DOCK2: variants seen among roughly 807,000 people sequenced by gnomAD.
The protein encoded by DOCK2 is dedicator of cytokinesis protein 2.
DOCK2 carries 87 observed loss-of-function variants against 248.9 expected under a neutral mutation model. The observed-to-expected ratio is 0.35, with a 90% CI of 0.29 to 0.42. The LOEUF (loss-of-function observed/expected upper bound fraction) is 0.42. Ranked by LOEUF, DOCK2 falls within the 10% of genes least tolerant of loss-of-function variation. The pLI is 1.00. For synonymous variants in DOCK2, 805 were observed against 821.6 expected (o/e 0.98, Z 0.35); for missense variants, 1,747 against 2,300.2 (o/e 0.76, Z 4.92).
At chr5:169,935,794 T>C (rs985289734) in intron 27 of DOCK2, among the ~76,000 whole-genome samples, 1 of 152,146 alleles carries the variant, frequency 6.6e-6, no homozygotes, top group Non-Finnish European at 1.5e-5. Flanking sequence ...TGTAAAAATA[T>C]AAAAAATCAG....
At chr5:169,745,825 A>G (rs1370182121) in intron 22 of DOCK2, among the ~76,000 whole-genome samples, 2 of 152,216 alleles carry the variant, frequency 1.3e-5, no homozygotes, top group African/African-American at 2.4e-5. Context: ...GATTGACTCT[A>G]GAATATATAT....
intron 44 of DOCK2, among the ~76,000 whole-genome samples, chr5:170,058,884 T>A (rs1225642732): frequency 2.6e-5 from 4 of 152,206 alleles, no homozygotes; most frequent in Non-Finnish European, 5.9e-5. Flanking sequence ...GCCTCCTTTT[T>A]ATAGGCATGA....
chr5:170,023,451 G>T (rs1755799765), intron 33 of DOCK2, among the ~76,000 whole-genome samples: 1 of 152,102 alleles, frequency 6.6e-6, no homozygotes, highest in Non-Finnish European at 1.5e-5. Flanking sequence ...TGCGTTCTCG[G>T]TACTGTTGTT....
At chr5:169,815,666 C>T (rs2113207883) in intron 26 of DOCK2, among the ~76,000 whole-genome samples, 1 of 152,306 alleles carries the variant, frequency 6.6e-6, no homozygotes, top group East Asian at 1.9e-4. Flanking sequence ...AAAAAAATTG[C>T]ATTAAGTGTT....
At chr5:169,797,878 A>G (rs1323036439) in intron 25 of DOCK2, among the ~76,000 whole-genome samples, 1 of 152,218 alleles carries the variant, frequency 6.6e-6, no homozygotes, top group Non-Finnish European at 1.5e-5. Flanking sequence ...ATAATTTCAC[A>G]GCTCCAATTA....
At chr5:169,852,085 G>A (rs186122724) in intron 27 of DOCK2, among the ~76,000 whole-genome samples, 3 of 152,294 alleles carry the variant, frequency 2.0e-5, no homozygotes, top group Admixed American at 6.5e-5. Context: ...GAGAGAGAGA[G>A]GGAAAGAGAG....
At chr5:169,849,259 C>T (rs1201215193) in intron 27 of DOCK2, among the ~76,000 whole-genome samples, 1 of 152,224 alleles carries the variant, frequency 6.6e-6, no homozygotes, top group African/African-American at 2.4e-5. Context: ...ACTTCACCTG[C>T]ATCAGGTGCT....
intron 27 of DOCK2, among the ~76,000 whole-genome samples, chr5:169,928,471 G>A (rs755123158): frequency 2.6e-5 from 4 of 152,174 alleles, no homozygotes; most frequent in Non-Finnish European, 4.4e-5. Flanking sequence ...CAGCCTCCTC[G>A]CTTCCCCATG....
intron 27 of DOCK2, among the ~76,000 whole-genome samples, chr5:169,862,022 G>T (rs1362707610): frequency 6.6e-6 from 1 of 151,562 alleles, no homozygotes; most frequent in East Asian, 1.9e-4. Context: ...TTCATGTGAG[G>T]GCCTCAACTG....
chr5:169,699,295 T>G, intron 11 of DOCK2, 87 bp from the exon 12 acceptor site: 1 of 1,312,530 alleles, frequency 7.6e-7, no homozygotes, highest in African/African-American at 1.5e-5. Flanking sequence ...ACCTGAGGCG[T>G]GTGGAGGGGC....
chr5:169,864,650 G>A (rs1771426849), intron 27 of DOCK2, among the ~76,000 whole-genome samples: 2 of 152,190 alleles, frequency 1.3e-5, no homozygotes, highest in Non-Finnish European at 2.9e-5. Context: ...TTCAGTGATT[G>A]AATTGGCACC....
chr5:169,978,857 A>G (rs1433277522), intron 27 of DOCK2, among the ~76,000 whole-genome samples: 1 of 152,164 alleles, frequency 6.6e-6, no homozygotes, highest in Non-Finnish European at 1.5e-5. Flanking sequence ...ACCTAGTTTC[A>G]AACCGTGTCT....
chr5:169,919,889 T>C (rs561986087), intron 27 of DOCK2, among the ~76,000 whole-genome samples: 1 of 152,346 alleles, frequency 6.6e-6, no homozygotes, highest in South Asian at 2.1e-4. Context: ...TTAGTATTAG[T>C]GGAAAGGATT....
intron 27 of DOCK2, chr5:169,864,533 A>G: frequency 8.6e-7 from 1 of 1,158,758 alleles, no homozygotes; most frequent in Non-Finnish European, 1.2e-6. Flanking sequence ...TCTCAGCCCC[A>G]ACTAATATGG....
intron 30 of DOCK2, among the ~76,000 whole-genome samples, chr5:170,005,317 G>T (rs1203768881): frequency 1.3e-5 from 2 of 152,138 alleles, no homozygotes; most frequent in African/African-American, 4.8e-5. Context: ...TATAGCAATT[G>T]ATAAACAAAT....
chr5:170,058,045 A>G (rs1757198046), intron 44 of DOCK2, among the ~76,000 whole-genome samples: 1 of 152,152 alleles, frequency 6.6e-6, no homozygotes, highest in South Asian at 2.1e-4. Context: ...CAGTATCCCA[A>G]TATGAATCCA....
At chr5:169,956,113 G>C (rs77579400) in intron 27 of DOCK2, among the ~76,000 whole-genome samples, 4,334 of 151,796 alleles carry the variant, frequency 0.029, 143 homozygotes, top group East Asian at 0.075. Flanking sequence ...CAAATTTGCT[G>C]TGTCCTTGAT....
chr5:169,770,871 G>T (rs181157600), intron 25 of DOCK2, among the ~76,000 whole-genome samples: 2 of 152,246 alleles, frequency 1.3e-5, no homozygotes, highest in African/African-American at 4.8e-5. Context: ...TCAGGCATTG[G>T]GTTGTGTCAG....
At chr5:169,716,088 T>G in intron 19 of DOCK2, 125 bp from the exon 20 acceptor site, 1 of 859,854 alleles carries the variant, frequency 1.2e-6, no homozygotes, top group Non-Finnish European at 1.8e-6. Flanking sequence ...ACTCTAGACG[T>G]TTTGAGCATG....
Sources: allele counts gnomAD v4.1 joint callset (sites outside exome capture counted in the v4.1 genomes callset), GRCh38; gene constraint gnomAD v4.1.1; transcripts MANE v1.5; gene names NCBI Gene and HGNC (gene_info 2026-07-23, HGNC 2026-07-21).